NLGN1: variants seen among roughly 807,000 people sequenced by gnomAD.
The protein encoded by NLGN1 is neuroligin-1.
Under a neutral mutation model 65.5 loss-of-function variants are expected in NLGN1, and 12 were observed. The observed-to-expected ratio is 0.18, with a 90% CI of 0.12 to 0.30. The LOEUF (loss-of-function observed/expected upper bound fraction) is 0.30, where lower values mean the gene tolerates loss of function less well. Ranked by LOEUF, NLGN1 falls within the 10% of genes least tolerant of loss-of-function variation. The pLI is 1.00. For missense variants in NLGN1, 750 were observed against 1,007.1 expected (o/e 0.74, Z 3.46); for synonymous variants, 350 against 359.5 (o/e 0.97, Z 0.30).
At chr3:173,629,878 T>C (rs1755412538) in intron 3 of NLGN1, among the ~76,000 whole-genome samples, 1 of 152,202 alleles carries the variant, frequency 6.6e-6, no homozygotes, top group Non-Finnish European at 1.5e-5. Context: ...TTGAATATGC[T>C]TCTAAAATTC....
At chr3:173,761,410 A>G (rs1281508090) in intron 3 of NLGN1, among the ~76,000 whole-genome samples, 1 of 152,040 alleles carries the variant, frequency 6.6e-6, no homozygotes, top group African/African-American at 2.4e-5. Context: ...ACAGATGGAC[A>G]TGGAGTCGAT....
intron 4 of NLGN1, among the ~76,000 whole-genome samples, chr3:173,918,422 G>A (rs1741184218): frequency 6.6e-6 from 1 of 151,952 alleles, no homozygotes; most frequent in African/African-American, 2.4e-5. Context: ...AGATCACGAG[G>A]TCAGGAGTTT....
At chr3:174,153,507 ACAT>A (rs996138513) in intron 4 of NLGN1, among the ~76,000 whole-genome samples, 95 of 152,274 alleles carry the variant, frequency 6.2e-4, no homozygotes, top group African/African-American at 2.1e-3. Flanking sequence ...TTGGTTTCTA[ACAT>A]CAACCCTACA....
At chr3:174,230,830 G>T (rs894789722) in intron 4 of NLGN1, among the ~76,000 whole-genome samples, 5 of 152,138 alleles carry the variant, frequency 3.3e-5, no homozygotes, top group East Asian at 1.9e-4. Flanking sequence ...ATTTATAAGA[G>T]AAACTATTAT....
intron 2 of NLGN1, among the ~76,000 whole-genome samples, chr3:173,524,117 G>T (rs936786813): frequency 6.6e-6 from 1 of 150,866 alleles, no homozygotes; most frequent in African/African-American, 2.4e-5. Flanking sequence ...TAGTAGACAC[G>T]GGGTTTCACC....
intron 4 of NLGN1, among the ~76,000 whole-genome samples, chr3:174,029,464 C>A (rs747926108): frequency 6.6e-6 from 1 of 152,178 alleles, no homozygotes; most frequent in Non-Finnish European, 1.5e-5. Context: ...AATGCCTGTA[C>A]CCCCATTGCA....
intron 2 of NLGN1, among the ~76,000 whole-genome samples, chr3:173,539,736 A>G (rs921218903): frequency 3.5e-5 from 5 of 141,974 alleles, no homozygotes; most frequent in Non-Finnish European, 6.1e-5. Context: ...ACATATATAC[A>G]TATATGTACA....
At chr3:173,912,293 A>G (rs1241315891) in intron 4 of NLGN1, among the ~76,000 whole-genome samples, 1 of 152,152 alleles carries the variant, frequency 6.6e-6, no homozygotes, top group Non-Finnish European at 1.5e-5. Flanking sequence ...CCGGGATTTT[A>G]TCTTGGGGAA....
At chr3:174,196,796 T>G (rs545327180) in intron 4 of NLGN1, among the ~76,000 whole-genome samples, 1 of 152,322 alleles carries the variant, frequency 6.6e-6, no homozygotes, top group Non-Finnish European at 1.5e-5. Flanking sequence ...AAAAAATAGC[T>G]AACACAAGTA....
intron 3 of NLGN1, among the ~76,000 whole-genome samples, chr3:173,609,447 A>T (rs2149464179): frequency 6.6e-6 from 1 of 152,068 alleles, no homozygotes; most frequent in East Asian, 1.9e-4. Flanking sequence ...GAATTCTTTC[A>T]AGAGCCTTTT....
chr3:173,755,105 T>G (rs756161251), intron 3 of NLGN1, among the ~76,000 whole-genome samples: 8 of 152,110 alleles, frequency 5.3e-5, no homozygotes, highest in Non-Finnish European at 7.4e-5. Flanking sequence ...TAGAAAAGCT[T>G]TAAAAATCAG....
intron 3 of NLGN1, among the ~76,000 whole-genome samples, chr3:173,766,964 G>C (rs567296182): frequency 6.6e-6 from 1 of 152,080 alleles, no homozygotes; most frequent in Non-Finnish European, 1.5e-5. Flanking sequence ...CCGATCTGCT[G>C]TATTTCTTCC....
At chr3:173,544,259 C>CGCGT (rs1553880850) in intron 2 of NLGN1, among the ~76,000 whole-genome samples, 1 of 144,146 alleles carries the variant, frequency 6.9e-6, no homozygotes, top group Non-Finnish European at 1.5e-5. Context: ...GATTATATTA[C>CGCGT]GTGTGTGTGT....
chr3:173,733,881 ATTGT>A lies in NLGN1; in HGVS notation c.494-73795_494-73792del, dbSNP rs1414854903. On this transcript the variant is annotated intron_variant, in intron 3 of 6. Coordinates refer to ENST00000457714, the Ensembl canonical transcript of NLGN1. ...CCAAATTCAACAAGAAAATAAAAAC[ATTGT>A]TTGATGGATAGTGCATTTTCAGTTT... 4.6e-5 allele frequency among the ~76,000 whole-genome samples: 7 copies of A among 152,070 alleles called. No individual in the cohort carries two copies. The South Asian group carries it at 1.2e-3, about 27-fold the overall frequency.
At chr3:174,282,330 T>G (rs968961945) in exon 7 of NLGN1, 12 of 152,312 alleles carry the variant, frequency 7.9e-5, no homozygotes, top group African/African-American at 2.9e-4. Flanking sequence ...AAAGAGTTAC[T>G]TGCAACAGTC....
chr3:174,223,108 T>C (rs1210020774), intron 4 of NLGN1, among the ~76,000 whole-genome samples: 1 of 152,134 alleles, frequency 6.6e-6, no homozygotes, highest in Non-Finnish European at 1.5e-5. Context: ...TCACTGAAGA[T>C]ACTTCAACTC....
Position 173,706,087 on chromosome 3 carries a change from A to G in NLGN1, c.493+100996A>G, listed in dbSNP as rs111919222. Among the ~76,000 whole-genome samples the G allele has an allele frequency of 5.7e-3, 873 of 152,288 alleles. 6 individuals are homozygous for G. The highest frequency in any genetic ancestry group is 0.019 in the African/African-American group (809 of 41,564). ...AGAAATAATTTTCGTGCTCCTTGCA[A>G]TAAGTCAATAGTGTTAGTGTTAAAT... On this transcript the variant is annotated intron_variant, in intron 3 of 6. Coordinates refer to ENST00000457714, the Ensembl canonical transcript of NLGN1.
chr3:173,591,203 C>T (rs1748421393), intron 2 of NLGN1, among the ~76,000 whole-genome samples: 1 of 151,986 alleles, frequency 6.6e-6, no homozygotes, highest in South Asian at 2.1e-4. Context: ...TGTTAATATT[C>T]TATTCTATTC....
intron 2 of NLGN1, among the ~76,000 whole-genome samples, chr3:173,480,803 A>C (rs1727150271): frequency 6.6e-6 from 1 of 152,092 alleles, no homozygotes; most frequent in Non-Finnish European, 1.5e-5. Flanking sequence ...CTTTGAAACT[A>C]TCTAGACTGT....
Sources: gnomAD v4.1 joint callset for allele counts (sites outside exome capture counted in the v4.1 genomes callset) on GRCh38, gnomAD v4.1.1 for gene constraint, MANE v1.5 for transcripts, NCBI Gene and HGNC (gene_info 2026-07-23, HGNC 2026-07-21) for gene names.